Variants in MARCHF8 observed in about 807,000 individuals in gnomAD.
MARCHF8 encodes membrane associated ring-CH-type finger 8, also known as E3 ubiquitin-protein ligase MARCHF8.
Under a neutral mutation model 51.6 loss-of-function variants are expected in MARCHF8, and 40 were observed. The observed-to-expected ratio is 0.77, with a 90% confidence interval of 0.60 to 1.01. MARCHF8 has a LOEUF of 1.01. MARCHF8 is among the 50% of genes least tolerant of loss of function. The pLI, the probability that MARCHF8 is intolerant of heterozygous loss-of-function variation, is 0.00. For missense variants in MARCHF8, 685 were observed against 708.6 expected (o/e 0.97, Z 0.38); for synonymous variants, 263 against 280.3 (o/e 0.94, Z 0.62).
At chr10:45,560,838 T>C (rs2044302421) in intron 1 of MARCHF8, among the ~76,000 whole-genome samples, 1 of 152,234 alleles carries the variant, frequency 6.6e-6, no homozygotes, top group Non-Finnish European at 1.5e-5. Context: ...CCAGTTTCCT[T>C]GTGATCTGAA....
chr10:45,461,758 T>C (rs901617065), intron 5 of MARCHF8: 1 of 169,276 alleles, frequency 5.9e-6, no homozygotes, highest in Non-Finnish European at 1.3e-5. Context: ...GTAAAATAAT[T>C]AGAGGGAAAA....
chr10:45,470,676 T>A (rs1217331877), intron 3 of MARCHF8, among the ~76,000 whole-genome samples: 2 of 152,204 alleles, frequency 1.3e-5, no homozygotes, highest in African/African-American at 4.8e-5. Flanking sequence ...TTGTGCTTCC[T>A]GCTCATGAGA....
exon 1 of MARCHF8, chr10:45,594,272 C>T (rs2044712080): frequency 6.6e-6 from 1 of 152,274 alleles, no homozygotes; most frequent in South Asian, 2.1e-4. Flanking sequence ...GTACGCAGGT[C>T]TCTCGAGATC....
intron 1 of MARCHF8, among the ~76,000 whole-genome samples, chr10:45,591,039 C>A (rs974862978): frequency 3.9e-5 from 6 of 152,204 alleles, no homozygotes; most frequent in Admixed American, 6.5e-5. Context: ...TAATTCTCCC[C>A]ACCCTTGAGA....
At chr10:45,550,291 A>G (rs1347709186) in intron 1 of MARCHF8, among the ~76,000 whole-genome samples, 1 of 152,202 alleles carries the variant, frequency 6.6e-6, no homozygotes, top group African/African-American at 2.4e-5. Context: ...AGATACTTGA[A>G]TTCCTTCTAG....
At chr10:45,529,884 C>T (rs138351094) in intron 2 of MARCHF8, among the ~76,000 whole-genome samples, 1 of 152,152 alleles carries the variant, frequency 6.6e-6, no homozygotes, top group Non-Finnish European at 1.5e-5. Flanking sequence ...AATATGGAGA[C>T]TTCTCAAAGA....
chr10:45,478,580 A>AG (rs58206869), intron 3 of MARCHF8, among the ~76,000 whole-genome samples: 7,385 of 151,260 alleles, frequency 0.049, 244 homozygotes, highest in Non-Finnish European at 0.066. Context: ...AAAAAAAAAA[A>AG]GATCAATGAA....
chr10:45,485,830 C>T (rs1391694093), intron 3 of MARCHF8, among the ~76,000 whole-genome samples: 5 of 152,162 alleles, frequency 3.3e-5, no homozygotes, highest in Admixed American at 6.5e-5. Context: ...ACAGAGACAA[C>T]GGGGATTTCA....
chr10:45,557,214 G>A (rs978586381), intron 1 of MARCHF8, among the ~76,000 whole-genome samples: 15 of 130,218 alleles, frequency 1.2e-4, no homozygotes, highest in Admixed American at 4.7e-4. Flanking sequence ...TGCAACCTCC[G>A]CCTCCCTGGG....
chr10:45,582,475 T>C (rs2044566238), intron 1 of MARCHF8, among the ~76,000 whole-genome samples: 1 of 152,138 alleles, frequency 6.6e-6, no homozygotes, highest in Non-Finnish European at 1.5e-5. Context: ...ATTTAAGTGA[T>C]ACAATTAAGA....
intron 3 of MARCHF8, among the ~76,000 whole-genome samples, chr10:45,483,461 T>C (rs1309211054): frequency 1.3e-5 from 2 of 152,204 alleles, no homozygotes; most frequent in African/African-American, 4.8e-5. Context: ...TTATGTATTG[T>C]TGGTGGGAAT....
At chr10:45,522,568 T>TA (rs2133240052) in intron 2 of MARCHF8, among the ~76,000 whole-genome samples, 1 of 152,304 alleles carries the variant, frequency 6.6e-6, no homozygotes, top group South Asian at 2.1e-4. Context: ...ACACAGCTAG[T>TA]AATACATAAA....
At chr10:45,537,619 C>G (rs1435115398), upstream of MARCHF8, among the ~76,000 whole-genome samples, 5 of 150,278 alleles carry the variant, frequency 3.3e-5, no homozygotes, top group African/African-American at 1.2e-4. Flanking sequence ...CGCCACTGCA[C>G]TCCAGCCTAG....
chr10:45,569,338 T>C (rs908110738), intron 1 of MARCHF8, among the ~76,000 whole-genome samples: 2 of 152,226 alleles, frequency 1.3e-5, no homozygotes, highest in Non-Finnish European at 2.9e-5. Flanking sequence ...CAAATTTTTT[T>C]CAGCACTAAT....
At chr10:45,504,888 G>C (rs137964103) in intron 2 of MARCHF8, among the ~76,000 whole-genome samples, 188 of 152,268 alleles carry the variant, frequency 1.2e-3, no homozygotes, top group African/African-American at 4.1e-3. Context: ...CTCCTGAGTA[G>C]GGGCTTATAC....
chr10:45,459,029 GT>G, intron 7 of MARCHF8, 90 bp downstream of exon 7: 5 of 1,544,264 alleles, frequency 3.2e-6, no homozygotes, highest in South Asian at 1.2e-5. Flanking sequence ...AAACCCAGAC[GT>G]TTTTGGCTAA....
intron 2 of MARCHF8, among the ~76,000 whole-genome samples, chr10:45,502,136 G>A (rs1036133709): frequency 6.6e-6 from 1 of 152,142 alleles, no homozygotes; most frequent in African/African-American, 2.4e-5. Flanking sequence ...TTACCTTGGA[G>A]AAATGAAAAC....
intron 1 of MARCHF8, chr10:45,594,123 A>G (rs922974485): frequency 2.0e-5 from 3 of 152,258 alleles, no homozygotes; most frequent in Non-Finnish European, 4.4e-5. Context: ...CCCCCACCCA[A>G]TAAGTTTTCT....
rs1351480856 is a variant in MARCHF8, at chr10:45,463,700, G to C, written c.539C>G (p.Ser180Cys). 6.4e-7 allele frequency: 1 copy of C among 1,550,880 alleles called. No individual in the cohort carries two copies. Among genetic ancestry groups the C allele is most frequent in the Non-Finnish European group, 8.7e-7 (1 of 1,147,090 alleles). ...TTGAGGGAGTATTAATTTCCCTTCAGAACAAGTTCTTTCCACATAGGCAAA... is the reference window on the plus strand; with the variant it reads ...TTGAGGGAGTATTAATTTCCCTTCACAACAAGTTCTTTCCACATAGGCAAA... ...ESFAYVERTC[S>C]EGKLILPQDT... The change falls in exon 5 of 8, where the codon TCT becomes TGT. Residue 180 changes from serine to cysteine, a missense_variant. By Grantham distance (112) the Ser-to-Cys change is moderately radical. Coordinates refer to ENST00000453424, the MANE Select transcript of MARCHF8 (RefSeq NM_001282866.2).
Sources: gnomAD v4.1 joint callset for allele counts (sites outside exome capture counted in the v4.1 genomes callset) on GRCh38, gnomAD v4.1.1 for gene constraint, MANE v1.5 for transcripts, NCBI Gene and HGNC (gene_info 2026-07-23, HGNC 2026-07-21) for gene names.